The following ATP12A variants were observed in gnomAD, a reference collection of about 807,000 sequenced individuals.
ATP12A encodes the protein ATPase H+/K+ transporting non-gastric alpha2 subunit.
A neutral mutation model predicts 111.2 loss-of-function variants in ATP12A; 81 were observed. The observed-to-expected ratio is 0.73, with a 90% CI of 0.61 to 0.88. ATP12A has a LOEUF of 0.88. ATP12A is among the 40% of genes least tolerant of loss of function. ATP12A has a pLI of 0.00. For missense variants in ATP12A, 1,196 were observed against 1,313.1 expected (o/e 0.91, Z 1.38); for synonymous variants, 498 against 499.8 (o/e 1.00, Z 0.05).
intron 19 of ATP12A, among the ~76,000 whole-genome samples, chr13:24,710,136 G>A (rs928335590): frequency 1.3e-5 from 2 of 152,196 alleles, no homozygotes; most frequent in African/African-American, 2.4e-5. Flanking sequence ...CGGGTGCAGT[G>A]GCTAATGCCT....
chr13:24,689,401 G>T (rs41305040), intron 5 of ATP12A, 26 bp downstream of exon 5: 99,117 of 1,596,062 alleles, frequency 0.062, 3,468 homozygotes, highest in South Asian at 0.12. Flanking sequence ...CTATCCTCTG[G>T]CCTCTGGTGA....
chr13:24,692,643 A>G lies in ATP12A; in HGVS notation c.1267+16A>G, dbSNP rs1874960823. The G allele has an allele frequency of 2.5e-6, 4 of 1,607,560 alleles. No homozygotes were observed. In the South Asian group the frequency reaches 3.3e-5, roughly 13 times the overall value. On this transcript the variant is annotated intron_variant, in intron 9 of 22. Coordinates refer to ENST00000381946, the MANE Select transcript of ATP12A (RefSeq NM_001676.7). The stretch of plus-strand genomic sequence containing the variant: ...GACCATTCAAGTAAGTCTTATGGAG[A>G]GCTCGGTCTGGCCAAAGCTGTGGAC...
chr13:24,701,405 G>A (rs1286375081), intron 13 of ATP12A, among the ~76,000 whole-genome samples: 1 of 150,962 alleles, frequency 6.6e-6, no homozygotes, highest in East Asian at 2.0e-4. Context: ...GGAGGCTGAG[G>A]CAGGAGAATC....
In ATP12A at chr13:24,707,627, GC is replaced by G. The variant is rs113213121; in HGVS notation, c.2493+195del. Among the ~76,000 whole-genome samples the G allele has an allele frequency of 9.4e-3, 1,435 of 152,316 alleles. 22 individuals are homozygous for G. The highest frequency in any genetic ancestry group is 0.033 in the African/African-American group (1,371 of 41,564). On this transcript the variant is annotated intron_variant, in intron 17 of 22. Transcript: ENST00000381946. Reference sequence around the variant, plus strand: ...ACCAGTCCACATGCCACACCTCAAAGCAAGGGACCAGAGGCATCTGCCAAAT... The same window carrying G: ...ACCAGTCCACATGCCACACCTCAAAGAAGGGACCAGAGGCATCTGCCAAAT...
rs774652565 is a variant in ATP12A, at chr13:24,709,428, A to C, written c.2558A>C (p.His853Pro). The C allele has an allele frequency of 6.2e-7, 1 of 1,614,048 alleles. No homozygotes were observed. Among genetic ancestry groups the C allele is most frequent in the Non-Finnish European group, 8.5e-7 (1 of 1,180,020 alleles). ...ESDIMNRKPR[H>P]KNKDRLVNQP... ...GACATCATGAACAGGAAGCCTCGCC[A>C]CAAGAATAAGGACAGGCTGGTGAAC... The change falls in exon 18 of 23, where the codon CAC (histidine) becomes CCC (proline). Residue 853 changes from histidine to proline, a missense_variant. Physicochemically the swap from His to Pro is moderately conservative, Grantham distance 77. Coordinates refer to ENST00000381946, the MANE Select transcript of ATP12A (RefSeq NM_001676.7).
At chr13:24,701,527 A>T (rs1357598902) in intron 13 of ATP12A, among the ~76,000 whole-genome samples, 1 of 151,710 alleles carries the variant, frequency 6.6e-6, no homozygotes, top group African/African-American at 2.4e-5. Context: ...AAAAGAAAGA[A>T]AGAAAAGAAA....
At chr13:24,706,603 T>C (rs1413892866) in intron 15 of ATP12A, 140 bp downstream of exon 15, 5 of 1,255,906 alleles carry the variant, frequency 4.0e-6, no homozygotes, top group Admixed American at 2.9e-5. Flanking sequence ...TCACCTGACC[T>C]CTCCAACCTC....
At chr13:24,696,877 G>C (rs1875191866) in intron 11 of ATP12A, among the ~76,000 whole-genome samples, 1 of 152,146 alleles carries the variant, frequency 6.6e-6, no homozygotes, top group African/African-American at 2.4e-5. Context: ...TCATGGCCTT[G>C]GAAGGAGACG....
In ATP12A at chr13:24,701,039, C is replaced by CT. The variant is rs1377373405; in HGVS notation, c.1881+118dup. ...TGTCTTCAAGTAAATATCATAATTC[C>CT]TATTTTATTTCTAGTTTCACTGTGC... On this transcript the variant is annotated intron_variant, in intron 13 of 22. Coordinates refer to ENST00000381946, the MANE Select transcript of ATP12A (RefSeq NM_001676.7). The CT allele has an allele frequency of 3.4e-6, 4 of 1,169,346 alleles. No individual in the cohort carries two copies. In the African/African-American group the frequency reaches 6.2e-5, roughly 18 times the overall value. The allele number at this position is 1,169,346 out of a possible 1,614,324, so 72.4% of individuals were successfully genotyped here. A position where few individuals can be genotyped will look rare whatever the true frequency, so the allele number is the denominator to read the frequency against.
At position 24,706,340 on chromosome 13, in the gene ATP12A, C is replaced by A; in HGVS notation, c.2046C>A (p.Gly682=). ...KRDAKAAVVT[G]MELKDMSSEQ... Reference sequence around the variant, plus strand: ...ATGCCAAGGCCGCTGTGGTGACTGGCATGGAGCTGAAGGACATGAGCTCAG... The same window carrying A: ...ATGCCAAGGCCGCTGTGGTGACTGGAATGGAGCTGAAGGACATGAGCTCAG... Residue 682 remains glycine, a synonymous_variant, in exon 15 of 23, where the codon GGC becomes GGA. Coordinates refer to ENST00000381946, the MANE Select transcript of ATP12A (RefSeq NM_001676.7). 1 of 1,614,136 alleles carries A rather than the reference C, an allele frequency of 6.2e-7. No homozygotes were observed. Among genetic ancestry groups the A allele is most frequent in the African/African-American group, 1.3e-5 (1 of 75,052 alleles).
chr13:24,697,399 C>G (rs114166578), intron 11 of ATP12A, among the ~76,000 whole-genome samples: 1 of 151,944 alleles, frequency 6.6e-6, no homozygotes, highest in Non-Finnish European at 1.5e-5. Flanking sequence ...TTTGGGAGAT[C>G]GAAGAAGGCA....
intron 2 of ATP12A, among the ~76,000 whole-genome samples, chr13:24,682,877 T>A (rs1406948282): frequency 6.6e-6 from 1 of 151,960 alleles, no homozygotes; most frequent in Non-Finnish European, 1.5e-5. Flanking sequence ...AAAAATGAGA[T>A]GAGGATTTTG....
At chr13:24,698,151 G>A (rs1460604152) in intron 11 of ATP12A, among the ~76,000 whole-genome samples, 1 of 151,950 alleles carries the variant, frequency 6.6e-6, no homozygotes, top group African/African-American at 2.4e-5. Flanking sequence ...AACATTATAC[G>A]TGGAAGTGTC....
At chr13:24,702,338 C>T (rs1332652452) in intron 14 of ATP12A, among the ~76,000 whole-genome samples, 3 of 152,202 alleles carry the variant, frequency 2.0e-5, no homozygotes, top group African/African-American at 4.8e-5. Context: ...GGGCACAAAA[C>T]CTATGTGCCC....
chr13:24,706,954 T>A, intron 15 of ATP12A, 69 bp from the exon 16 acceptor site: 1 of 1,490,318 alleles, frequency 6.7e-7, no homozygotes, highest in Non-Finnish European at 9.0e-7. Context: ...GAAGTCTTGT[T>A]GCTCTTGCCA....
chr13:24,703,697 G>T (rs984715024), intron 14 of ATP12A: 1 of 151,614 alleles, frequency 6.6e-6, no homozygotes, highest in African/African-American at 2.4e-5. Flanking sequence ...AAGGTGTCCT[G>T]TCAGATCACC....
At chr13:24,680,797 C>T in intron 1 of ATP12A, 45 bp downstream of exon 1, 2 of 1,471,810 alleles carry the variant, frequency 1.4e-6, no homozygotes, top group African/African-American at 1.5e-5. Flanking sequence ...GACGCTGGGC[C>T]AAGGCCCCGG....
In ATP12A at chr13:24,698,705, G is replaced by A; in HGVS notation, c.1560G>A (p.Met520Ile). The change falls in exon 12 of 23, where the codon ATG (methionine) becomes ATA (isoleucine). Residue 520 changes from methionine to isoleucine, a missense_variant. By Grantham distance (10) the Met-to-Ile change is conservative (BLOSUM62 1). Around this residue, in one of 3 missense-constraint regions of ATP12A, gnomAD observed 1,126 missense variants for 1,228.5 expected, o/e 0.92. Transcript: ENST00000381946. ...MDDPHGKRFL[M>I]VMKGAPERIL... ...ACCCCCACGGCAAGCGCTTCCTCAT[G>A]GTGATGAAGGGGGCCCCTGAGCGCA... 1 of 1,613,978 alleles carries A rather than the reference G, an allele frequency of 6.2e-7. No homozygotes were observed. Among genetic ancestry groups the A allele is most frequent in the Non-Finnish European group, 8.5e-7 (1 of 1,180,022 alleles).
In ATP12A at chr13:24,707,415, T is replaced by C. The variant is rs764733614; in HGVS notation, c.2475T>C (p.Ile825=). The C allele has an allele frequency of 1.9e-6, 3 of 1,614,076 alleles. No homozygotes were observed. In the African/African-American group the frequency reaches 4.0e-5, roughly 22 times the overall value. ...TTGGCACCATCACCATTCTGTTCATTGACTTGGGGACAGACATTGTAAGTG... is the reference window on the plus strand; with the variant it reads ...TTGGCACCATCACCATTCTGTTCATCGACTTGGGGACAGACATTGTAAGTG... ...LPIGTITILF[I]DLGTDIIPSI... is the part of the protein sequence containing the mutation. Residue 825 remains isoleucine (I), a synonymous_variant, in exon 17 of 23, where the codon ATT becomes ATC. Coordinates refer to ENST00000381946, the MANE Select transcript of ATP12A (RefSeq NM_001676.7).
Sources: gnomAD v4.1 joint callset for allele counts (sites outside exome capture counted in the v4.1 genomes callset) on GRCh38, gnomAD v4.1.1 for gene constraint, gnomAD v4.1.1 regional missense constraint, MANE v1.5 for transcripts, NCBI Gene and HGNC (gene_info 2026-07-23, HGNC 2026-07-21) for gene names.